NAGLU: variants seen among roughly 807,000 people sequenced by gnomAD.
NAGLU encodes N-acetyl-alpha-glucosaminidase.
In NAGLU, 34 loss-of-function variants were observed where a neutral mutation model predicts 43.4. The observed-to-expected ratio is 0.78, with a 90% CI of 0.60 to 1.04. The LOEUF is 1.04. NAGLU is among the 50% of genes least tolerant of loss of function. NAGLU has a pLI of 0.00. For synonymous variants in NAGLU, 425 were observed against 437.6 expected (o/e 0.97, Z 0.36); for missense variants, 910 against 993.7 (o/e 0.92, Z 1.13).
intron 5 of NAGLU, 124 bp from the exon 6 acceptor site, chr17:42,542,904 G>A (rs1276284161): frequency 6.2e-6 from 9 of 1,444,162 alleles, no homozygotes; most frequent in East Asian, 2.3e-5. Flanking sequence ...AGAGCGTCCC[G>A]CTGGTGGGGG....
At chr17:42,536,888 G>A (rs2092907931) in intron 1 of NAGLU, 2 of 839,240 alleles carry the variant, frequency 2.4e-6, no homozygotes, top group Non-Finnish European at 3.4e-6. Context: ...GGATTTGCAC[G>A]ATGATGGGCA....
chr17:42,543,779 G>A lies in NAGLU; in HGVS notation c.1773G>A (p.Leu591=). The change falls in exon 6 of 6, where the codon CTG becomes CTA. Residue 591 remains leucine (L), a synonymous_variant. Coordinates refer to ENST00000225927, the MANE Select transcript of NAGLU (RefSeq NM_000263.4). Reference sequence around the variant, plus strand: ...ACCTGAGCAAGGAGCTGGCCTCCCTGTTGAGGGCTGGAGGCGTCCTGGCCT... The same window carrying A: ...ACCTGAGCAAGGAGCTGGCCTCCCTATTGAGGGCTGGAGGCGTCCTGGCCT... ...SAYLSKELAS[L]LRAGGVLAYE... 3 of 1,610,332 alleles carry A rather than the reference G, an allele frequency of 1.9e-6. No homozygotes were observed. The highest frequency in any genetic ancestry group is 2.5e-6 in the Non-Finnish European group (3 of 1,179,228).
intron 2 of NAGLU, 87 bp downstream of exon 2, chr17:42,537,632 GTCTC>G (rs1266838212): frequency 3.5e-5 from 54 of 1,540,202 alleles, no homozygotes; most frequent in Middle Eastern, 2.2e-4. Context: ...TGGGCGCAGT[GTCTC>G]TCTCTAGAAG....
Position 42,541,124 on chromosome 17 carries a change from T to C in NAGLU, c.939T>C (p.Thr313=), listed in dbSNP as rs2092920725. 6.2e-7 allele frequency: 1 copy of C among 1,614,100 alleles called. No homozygotes were observed. Among genetic ancestry groups the C allele is most frequent in the Non-Finnish European group, 8.5e-7 (1 of 1,180,026 alleles). The change falls in exon 5 of 6, where the codon ACT becomes ACC. Residue 313 remains threonine (T), a synonymous_variant. Coordinates refer to ENST00000225927, the MANE Select transcript of NAGLU (RefSeq NM_000263.4). ...CAGACCACATCTATGGGGCCGACAC[T>C]TTCAATGAGATGCAGCCACCTTCCT... The part of the protein sequence containing the change: ...FGTDHIYGAD[T]FNEMQPPSSE...
At chr17:42,538,817 A>G (rs534695294) in intron 4 of NAGLU, 62 bp downstream of exon 4, 1 of 1,591,836 alleles carries the variant, frequency 6.3e-7, no homozygotes, top group South Asian at 1.1e-5. Context: ...CTTCTAGAAC[A>G]TGACTTAAAA....
chr17:42,538,215 G>A (rs1411293207), intron 2 of NAGLU, 124 bp from the exon 3 acceptor site: 5 of 1,462,206 alleles, frequency 3.4e-6, no homozygotes, highest in East Asian at 2.3e-5. Flanking sequence ...TGATGGCAGC[G>A]TTCGGATTTT....
chr17:42,537,355 CCTCCAG>C, intron 1 of NAGLU, 37 bp from the exon 2 acceptor site: 1 of 1,613,314 alleles, frequency 6.2e-7, no homozygotes, highest in Non-Finnish European at 8.5e-7. Context: ...GGCCGTGGAC[CCTCCAG>C]GGTGGGATGC....
Position 42,543,237 on chromosome 17 carries a change from G to T in NAGLU, c.1231G>T (p.Gly411Trp). 6.2e-7 allele frequency: 1 copy of T among 1,614,216 alleles called. No homozygotes were observed. The highest frequency in any genetic ancestry group is 2.2e-5 in the East Asian group (1 of 44,888). Residue 411 changes from glycine (G) to tryptophan (W), a missense_variant, in exon 6 of 6, where the codon GGG becomes TGG. Coordinates refer to ENST00000225927, the MANE Select transcript of NAGLU (RefSeq NM_000263.4). ...PFIWCMLHNF[G>W]GNHGLFGALE... ...CATCTGGTGCATGCTGCACAACTTT[G>T]GGGGAAACCATGGTCTTTTTGGAGC...
At chr17:42,537,611 G>T in intron 2 of NAGLU, 66 bp downstream of exon 2, 1 of 1,584,004 alleles carries the variant, frequency 6.3e-7, no homozygotes, top group Non-Finnish European at 8.6e-7. Flanking sequence ...GTTTTCACCC[G>T]CCCCCCAGCA....
In NAGLU at chr17:42,543,337, C is replaced by A. The variant is rs767179184; in HGVS notation, c.1331C>A (p.Ala444Asp). Residue 444 changes from alanine (A) to aspartate (D), a missense_variant, in exon 6 of 6, where the codon GCC (alanine) becomes GAC (aspartate). Physicochemically the swap from Ala to Asp is moderately radical, Grantham distance 126 (BLOSUM62 -2). Transcript: ENST00000225927. ...PNSTMVGTGM[A>D]PEGISQNEVV... ...TCCACCATGGTAGGCACGGGCATGG[C>A]CCCCGAGGGCATCAGCCAGAACGAA... 6.2e-7 allele frequency: 1 copy of A among 1,613,168 alleles called. No individual in the cohort carries two copies. Among genetic ancestry groups the A allele is most frequent in the South Asian group, 1.1e-5 (1 of 91,072 alleles).
chr17:42,538,695 C>T lies in NAGLU; in HGVS notation c.704C>T (p.Ser235Phe). ...CACCGGGTCCTGGACCAGATGCGCT[C>T]CTTCGGCATGACCCCAGTGCTGCCT... ...LQHRVLDQMRSFGMTPVLPAF... is the reference protein window; with the variant it reads ...LQHRVLDQMRFFGMTPVLPAF... Residue 235 changes from serine to phenylalanine, a missense_variant, in exon 4 of 6, where the codon TCC (serine) becomes TTC (phenylalanine). Transcript: ENST00000225927. 1 of 1,614,044 alleles carries T rather than the reference C, an allele frequency of 6.2e-7. No individual in the cohort carries two copies. Among genetic ancestry groups the T allele is most frequent in the Non-Finnish European group, 8.5e-7 (1 of 1,180,042 alleles).
chr17:42,541,178 C>CACTGCCGTCTATGAGGCCATG lies in NAGLU; in HGVS notation c.999_1019dup (p.Tyr335_Val341dup). The CACTGCCGTCTATGAGGCCATG allele has an allele frequency of 6.2e-7, 1 of 1,613,416 alleles. No homozygotes were observed. The highest frequency in any genetic ancestry group is 2.2e-5 in the East Asian group (1 of 44,882). On this transcript the variant is annotated inframe_insertion, in exon 5 of 6. Coordinates refer to ENST00000225927, the MANE Select transcript of NAGLU (RefSeq NM_000263.4). Reference sequence around the variant, plus strand: ...AGCCCTCCTACCTTGCCGCAGCCACCACTGCCGTCTATGAGGCCATGACTG... The same window carrying CACTGCCGTCTATGAGGCCATG: ...AGCCCTCCTACCTTGCCGCAGCCACCACTGCCGTCTATGAGGCCATGACTGCCGTCTATGAGGCCATGACTG...
intron 1 of NAGLU, 200 bp downstream of exon 1, chr17:42,536,855 C>T (rs1222388543): frequency 3.8e-6 from 4 of 1,065,854 alleles, no homozygotes; most frequent in South Asian, 4.3e-5. Context: ...AAAGAAGACG[C>T]CTACCGTGCA....
intron 4 of NAGLU, among the ~76,000 whole-genome samples, chr17:42,539,078 C>T (rs1271102892): frequency 1.3e-5 from 2 of 152,300 alleles, no homozygotes; most frequent in South Asian, 2.1e-4. Flanking sequence ...GTCAAGATCA[C>T]GCCATTGCAC....
In NAGLU at chr17:42,538,328, T is replaced by G. The variant is rs977518446; in HGVS notation, c.532-11T>G. ...TGAATATATTTCTATGTGTGGGCCCTTCTTCCTCAGGTGTACCTGGCCTTG... is the reference window on the plus strand; with the variant it reads ...TGAATATATTTCTATGTGTGGGCCCGTCTTCCTCAGGTGTACCTGGCCTTG... On this transcript the variant is annotated splice_polypyrimidine_tract_variant and intron_variant, in intron 2 of 5. Coordinates refer to ENST00000225927, the MANE Select transcript of NAGLU (RefSeq NM_000263.4). 8 of 1,614,104 alleles carry G rather than the reference T, an allele frequency of 5.0e-6. No individual in the cohort carries two copies. The highest frequency in any genetic ancestry group is 2.7e-5 in the African/African-American group (2 of 74,952).
chr17:42,538,035 T>C (rs1285263620), intron 2 of NAGLU, among the ~76,000 whole-genome samples: 1 of 152,166 alleles, frequency 6.6e-6, no homozygotes, highest in African/African-American at 2.4e-5. Context: ...GCTTAAGCTC[T>C]TCACACAGTT....
intron 4 of NAGLU, among the ~76,000 whole-genome samples, chr17:42,539,984 G>A (rs1200978101): frequency 6.6e-6 from 1 of 151,780 alleles, no homozygotes; most frequent in Admixed American, 6.6e-5. Context: ...CGTGGTGGCG[G>A]GCTCCTGTAA....
At chr17:42,538,583 C>G (rs564801398) in intron 3 of NAGLU, 87 bp from the exon 4 acceptor site, 1 of 1,611,896 alleles carries the variant, frequency 6.2e-7, no homozygotes, top group East Asian at 2.2e-5. Flanking sequence ...TTAACTGAGG[C>G]GGGGGGCTGC....
At position 42,544,289 on chromosome 17, in the gene NAGLU, C is replaced by T. The variant is rs751380502; in HGVS notation, c.*51C>T. The stretch of plus-strand genomic sequence containing the variant: ...TTTCCGCTAATTCCAGGGCAGATTC[C>T]AGGGCCCAGAGCTGGACAGACATCA... On this transcript the variant is annotated 3_prime_UTR_variant, in exon 6 of 6. Coordinates refer to ENST00000225927, the MANE Select transcript of NAGLU (RefSeq NM_000263.4). 5.0e-6 allele frequency: 8 copies of T among 1,600,292 alleles called. No individual in the cohort carries two copies. Among genetic ancestry groups the T allele is most frequent in the South Asian group, 1.1e-5 (1 of 90,840 alleles).
Sources: allele counts gnomAD v4.1 joint callset (sites outside exome capture counted in the v4.1 genomes callset), GRCh38; gene constraint gnomAD v4.1.1; transcripts MANE v1.5; gene names NCBI Gene and HGNC (gene_info 2026-07-23, HGNC 2026-07-21).